The following CDCP1 variants were observed in gnomAD, a reference collection of about 807,000 sequenced individuals.
The protein encoded by CDCP1 is CUB domain-containing protein 1.
Under a neutral mutation model 60.2 loss-of-function variants are expected in CDCP1, and 29 were observed. That is an observed-to-expected ratio of 0.48 (90% CI 0.36 to 0.66). The LOEUF (loss-of-function observed/expected upper bound fraction) is 0.66. Among genes scored for constraint, CDCP1 ranks in the 30% least tolerant of loss-of-function variants. The probability of loss-of-function intolerance (pLI) is 0.00; values close to 1 mark genes in which losing one functional copy is unlikely to be tolerated. For missense variants in CDCP1, 876 were observed against 1,074.3 expected (o/e 0.82, Z 2.58); for synonymous variants, 387 against 431.1 (o/e 0.90, Z 1.27).
chr3:45,113,823 G>T (rs7638635), intron 2 of CDCP1, among the ~76,000 whole-genome samples: 1 of 152,128 alleles, frequency 6.6e-6, no homozygotes, highest in South Asian at 2.1e-4. Flanking sequence ...TAGACTTTGC[G>T]TGTTAGTAAA....
Position 45,085,121 on chromosome 3 carries a change from G to A in CDCP1, c.*517C>T, listed in dbSNP as rs558912501. 1 of 153,550 alleles carries A rather than the reference G, an allele frequency of 6.5e-6. No homozygotes were observed. Among genetic ancestry groups the A allele is most frequent in the African/African-American group, 2.4e-5 (1 of 41,572 alleles). 9.5% of individuals were successfully genotyped at this position (153,550 alleles called of 1,614,324 possible). A position where few individuals can be genotyped will look rare whatever the true frequency, so the allele number is the denominator to read the frequency against. On this transcript the variant is annotated 3_prime_UTR_variant, in exon 9 of 9. Coordinates refer to ENST00000296129, the MANE Select transcript of CDCP1 (RefSeq NM_022842.5). The surrounding 1 kb of genome is among the most constrained non-coding windows in gnomAD (Gnocchi z 4.2). ...CCCAGGCATCCAAACCAGTTAGTAT[G>A]AGTTATTACTAAGTCAGGTGAAAAG...
At chr3:45,127,034 C>G (rs1213250327) in intron 1 of CDCP1, among the ~76,000 whole-genome samples, 2 of 152,178 alleles carry the variant, frequency 1.3e-5, no homozygotes, top group African/African-American at 2.4e-5. Flanking sequence ...CAGGAACTTT[C>G]TGATGATGGT....
chr3:45,097,530 A>C (rs1265266726), intron 4 of CDCP1, among the ~76,000 whole-genome samples: 3 of 148,316 alleles, frequency 2.0e-5, no homozygotes, highest in Admixed American at 6.7e-5. Context: ...AAAAAAGCCC[A>C]TCAGATTAGG....
intron 1 of CDCP1, among the ~76,000 whole-genome samples, chr3:45,126,243 C>T (rs1698998037): frequency 7.1e-6 from 1 of 141,362 alleles, no homozygotes. Context: ...TTCTTCCTTC[C>T]TTCCTTCTTC....
rs577113829 is a variant in CDCP1, at chr3:45,112,007, T to C, written c.655+76A>G. ...TGAGTATTAGAGATTTGCTGACATT[T>C]GACCATTTCTGACCTAGAACAATGA... On this transcript the variant is annotated intron_variant, in intron 3 of 8. Coordinates refer to ENST00000296129, the MANE Select transcript of CDCP1 (RefSeq NM_022842.5). The C allele has an allele frequency of 4.3e-5, 65 of 1,523,268 alleles. No homozygotes were observed. The Admixed American group carries it at 6.2e-4, about 15-fold the overall frequency. The allele number at this position is 1,523,268 out of a possible 1,614,324, so 94.4% of individuals were successfully genotyped here.
chr3:45,110,607 A>C lies in CDCP1; in HGVS notation c.890T>G (p.Leu297Arg). The change falls in exon 4 of 9, where the codon CTG becomes CGG. Residue 297 changes from leucine to arginine, a missense_variant. This residue lies in a region of CDCP1 where 726 missense variants were observed against 935.7 expected (regional missense o/e 0.78). Transcript: ENST00000296129. ...GSTTNPEVFK[L>R]EDKQPGNMAG... ...CATGTTCCCAGGCTGCTTGTCCTCC[A>C]GCTTGAACACCTCGGGGTTGGTGGT... 1 of 1,614,204 alleles carries C rather than the reference A, an allele frequency of 6.2e-7. No homozygotes were observed. The highest frequency in any genetic ancestry group is 8.5e-7 in the Non-Finnish European group (1 of 1,180,030).
intron 6 of CDCP1, among the ~76,000 whole-genome samples, chr3:45,092,320 G>A (rs1213998875): frequency 6.6e-6 from 1 of 152,190 alleles, no homozygotes; most frequent in East Asian, 1.9e-4. Flanking sequence ...CTCCGGGGTG[G>A]GGCTGGTATA....
At chr3:45,117,321 T>A (rs1433341657) in intron 2 of CDCP1, among the ~76,000 whole-genome samples, 1 of 152,192 alleles carries the variant, frequency 6.6e-6, no homozygotes, top group Non-Finnish European at 1.5e-5. Context: ...AAACCAAATA[T>A]CTATAGTTTA....
intron 4 of CDCP1, among the ~76,000 whole-genome samples, chr3:45,106,615 G>A (rs978736399): frequency 6.6e-6 from 1 of 152,234 alleles, no homozygotes; most frequent in Non-Finnish European, 1.5e-5. Flanking sequence ...TCCTGACTGG[G>A]AGGAGTTTAG....
At position 45,112,266 on chromosome 3, in the gene CDCP1, C is replaced by T. The variant is rs149422328; in HGVS notation, c.472G>A (p.Gly158Arg). The change falls in exon 3 of 9, where the codon GGA (glycine) becomes AGA (arginine). Residue 158 changes from glycine (G) to arginine (R), a missense_variant. This residue lies in a region of CDCP1 where 726 missense variants were observed against 935.7 expected (regional missense o/e 0.78). Coordinates refer to ENST00000296129, the MANE Select transcript of CDCP1 (RefSeq NM_022842.5). ...QIGPGESCPD[G>R]VTHSISGRID... is the part of the protein sequence containing the mutation. ...CGGCCGCTGATGGAGTGAGTGACTCCGTCTGGGCAGCTCTCACCCGGACCG... is the reference window on the plus strand; with the variant it reads ...CGGCCGCTGATGGAGTGAGTGACTCTGTCTGGGCAGCTCTCACCCGGACCG... The T allele has an allele frequency of 8.1e-5, 130 of 1,614,198 alleles. No individual in the cohort carries two copies. In the Middle Eastern group the frequency reaches 9.9e-4, roughly 12 times the overall value.
chr3:45,131,626 T>C lies in CDCP1; in HGVS notation c.83-13005A>G, dbSNP rs138658254. On this transcript the variant is annotated intron_variant, in intron 1 of 8. Transcript: ENST00000296129. ...TACTAATTTGGATGCCAACCAAACA[T>C]TGACTAAAACTACATAGCCTCAAAT... 9.2e-4 allele frequency among the ~76,000 whole-genome samples: 140 copies of C among 152,278 alleles called. 1 individual carries two copies. The highest frequency in any genetic ancestry group is 3.1e-3 in the African/African-American group (128 of 41,550).
chr3:45,087,590 A>G (rs1333892670), intron 8 of CDCP1, among the ~76,000 whole-genome samples: 1 of 152,166 alleles, frequency 6.6e-6, no homozygotes, highest in African/African-American at 2.4e-5. Flanking sequence ...CCCATGTGTT[A>G]TAGGTACAGC....
chr3:45,104,368 G>A (rs147908995), intron 4 of CDCP1, among the ~76,000 whole-genome samples: 36 of 152,308 alleles, frequency 2.4e-4, no homozygotes, highest in Admixed American at 9.2e-4. Context: ...ATAACCTGAG[G>A]AACCTGAGGG....
intron 1 of CDCP1, among the ~76,000 whole-genome samples, chr3:45,143,526 T>C (rs1424102068): frequency 6.6e-6 from 1 of 152,260 alleles, no homozygotes; most frequent in Admixed American, 6.5e-5. Flanking sequence ...TTTTGGTTTG[T>C]GCACATGAGC....
rs1698171017 is a variant in CDCP1 at position 45,085,437 on chromosome 3, T to C, written c.*201A>G. 3.3e-6 allele frequency: 2 copies of C among 597,566 alleles called. No homozygotes were observed. Among genetic ancestry groups the C allele is most frequent in the Non-Finnish European group, 5.9e-6 (2 of 339,964 alleles). 37.0% of individuals were successfully genotyped at this position (597,566 alleles called of 1,614,324 possible). On this transcript the variant is annotated 3_prime_UTR_variant, in exon 9 of 9. Transcript: ENST00000296129. The surrounding 1 kb of genome is among the most constrained non-coding windows in gnomAD (Gnocchi z 4.2). ...GAGCACATGAGCTGTCATGACTGTATCCAGATTGGAATTCATCATTTTCAA... is the reference window on the plus strand; with the variant it reads ...GAGCACATGAGCTGTCATGACTGTACCCAGATTGGAATTCATCATTTTCAA...
At chr3:45,107,021 G>C (rs1698578131) in intron 4 of CDCP1, among the ~76,000 whole-genome samples, 1 of 152,160 alleles carries the variant, frequency 6.6e-6, no homozygotes, top group Non-Finnish European at 1.5e-5. Flanking sequence ...CACAGCCTGA[G>C]AAGGGCCAGA....
At chr3:45,146,406 C>G (rs1185168221), upstream of CDCP1, 4 of 782,922 alleles carry the variant, frequency 5.1e-6, no homozygotes, top group Non-Finnish European at 7.6e-6. Context: ...GCGGGCGGAC[C>G]GGCCCGAGCC....
At chr3:45,144,040 TG>T (rs1369820511) in intron 1 of CDCP1, among the ~76,000 whole-genome samples, 2 of 152,212 alleles carry the variant, frequency 1.3e-5, no homozygotes, top group East Asian at 3.9e-4. Flanking sequence ...GGTATCTGAG[TG>T]GTTCTTAGAA....
intron 1 of CDCP1, among the ~76,000 whole-genome samples, chr3:45,143,968 G>C (rs1480294668): frequency 2.0e-5 from 3 of 152,158 alleles, no homozygotes; most frequent in Admixed American, 2.0e-4. Flanking sequence ...CATTTGATCT[G>C]TCTGCTCACA....
Sources: gnomAD v4.1 joint callset for allele counts (sites outside exome capture counted in the v4.1 genomes callset) on GRCh38, gnomAD v4.1.1 for gene constraint, gnomAD v4.1.1 regional missense constraint, Gnocchi (gnomAD v3.1) non-coding constraint, MANE v1.5 for transcripts, NCBI Gene and HGNC (gene_info 2026-07-23, HGNC 2026-07-21) for gene names.